Variants in GABRB1 observed in about 807,000 individuals in gnomAD.
The protein encoded by GABRB1 is gamma-aminobutyric acid type A receptor subunit beta1.
A neutral mutation model predicts 51.6 loss-of-function variants in GABRB1; 17 were observed. That is an observed-to-expected ratio of 0.33 (90% confidence interval 0.23 to 0.49). The LOEUF is 0.49. Ranked by LOEUF, GABRB1 falls within the 20% of genes least tolerant of loss-of-function variation. The pLI is 0.99. For missense variants in GABRB1, 410 were observed against 600.6 expected, an observed-to-expected ratio of 0.68 and a Z score of 3.32; for synonymous variants, 247 against 218.9, an observed-to-expected ratio of 1.13 and a Z score of -1.14.
At chr4:47,371,122 G>A (rs1727177554) in intron 5 of GABRB1, among the ~76,000 whole-genome samples, 1 of 124,576 alleles carries the variant, frequency 8.0e-6, no homozygotes, top group South Asian at 2.4e-4. Flanking sequence ...AGTGTGTATT[G>A]TTCCCCACCA....
chr4:47,037,123 T>C (rs1725611579), intron 3 of GABRB1, among the ~76,000 whole-genome samples: 3 of 152,184 alleles, frequency 2.0e-5, no homozygotes, highest in Admixed American at 2.0e-4. Flanking sequence ...TCTCAAATGA[T>C]GGCAATGAAA....
Position 47,206,183 on chromosome 4 carries a change from A to G in GABRB1, c.461+44714A>G, listed in dbSNP as rs577800820. 7.2e-5 allele frequency among the ~76,000 whole-genome samples: 11 copies of G among 152,180 alleles called. No individual in the cohort carries two copies. The East Asian group carries it at 2.1e-3, about 29-fold the overall frequency. On this transcript the variant is annotated intron_variant, in intron 4 of 8. Transcript: ENST00000295454. ...ACTCTGGTGGAAAAACATAGTTATG[A>G]AAGAATGATTAGTTTACCAGTTGGG...
chr4:47,043,953 T>G lies in GABRB1; in HGVS notation c.240+11469T>G, dbSNP rs116055080. On this transcript the variant is annotated intron_variant, in intron 3 of 8. Transcript: ENST00000295454. ...AACAGGTTTGCTTATGGACAGAGAT[T>G]AGAAAACAGAATAAGGAGAAAGAAG... Among the ~76,000 whole-genome samples, 196 of 152,250 alleles carry G rather than the reference T, an allele frequency of 1.3e-3. 1 individual carries two copies. Among genetic ancestry groups the G allele is most frequent in the Middle Eastern group, 0.01 (3 of 294 alleles).
intron 4 of GABRB1, among the ~76,000 whole-genome samples, chr4:47,267,656 A>G (rs1422162501): frequency 6.6e-6 from 1 of 152,076 alleles, no homozygotes; most frequent in Non-Finnish European, 1.5e-5. Context: ...TTAGCCAGGC[A>G]TGGTGGCAGG....
chr4:47,309,535 T>G (rs1044199662), intron 4 of GABRB1, among the ~76,000 whole-genome samples: 4 of 152,028 alleles, frequency 2.6e-5, no homozygotes. Context: ...GAGAATGCTA[T>G]TTACTCAGTG....
intron 3 of GABRB1, among the ~76,000 whole-genome samples, chr4:47,096,213 C>T (rs955386613): frequency 5.9e-5 from 9 of 152,100 alleles, no homozygotes; most frequent in African/African-American, 2.2e-4. Flanking sequence ...CCCTATATTG[C>T]TTTTAGGTCC....
intron 1 of GABRB1, among the ~76,000 whole-genome samples, chr4:47,006,781 A>G (rs1000518737): frequency 2.6e-5 from 4 of 152,232 alleles, no homozygotes; most frequent in African/African-American, 9.6e-5. Flanking sequence ...TAATTGCATT[A>G]TATATAAAAG....
intron 4 of GABRB1, among the ~76,000 whole-genome samples, chr4:47,280,676 C>T (rs563477009): frequency 1.3e-3 from 193 of 151,932 alleles, no homozygotes; most frequent in African/African-American, 4.1e-3. Context: ...GAGACGGGGC[C>T]TTGCCCTGTC....
chr4:47,207,702 C>T (rs531176206), intron 4 of GABRB1, among the ~76,000 whole-genome samples: 1 of 152,174 alleles, frequency 6.6e-6, no homozygotes, highest in Non-Finnish European at 1.5e-5. Flanking sequence ...CATATTCACC[C>T]TTGTTTAGAA....
intron 4 of GABRB1, among the ~76,000 whole-genome samples, chr4:47,249,429 A>G (rs527573437): frequency 6.6e-6 from 1 of 152,220 alleles, no homozygotes; most frequent in East Asian, 1.9e-4. Flanking sequence ...ATGACCTATC[A>G]TGTGGTCTAT....
At chr4:47,198,368 A>G (rs751583380) in intron 4 of GABRB1, among the ~76,000 whole-genome samples, 2 of 152,220 alleles carry the variant, frequency 1.3e-5, no homozygotes, top group Non-Finnish European at 2.9e-5. Flanking sequence ...TGGATAATGA[A>G]TAAAGGGTAG....
intron 4 of GABRB1, among the ~76,000 whole-genome samples, chr4:47,246,863 T>C (rs1376407712): frequency 1.3e-5 from 2 of 152,084 alleles, no homozygotes; most frequent in African/African-American, 4.8e-5. Flanking sequence ...TAGCCCACTT[T>C]TTGATGGGAT....
At chr4:47,371,309 TACC>T (rs1278416013) in intron 5 of GABRB1, among the ~76,000 whole-genome samples, 2 of 152,230 alleles carry the variant, frequency 1.3e-5, no homozygotes, top group Non-Finnish European at 2.9e-5. Flanking sequence ...GGTGTATATG[TACC>T]ACATTTTCTT....
At chr4:47,139,482 G>A (rs910744240) in intron 3 of GABRB1, among the ~76,000 whole-genome samples, 1 of 151,960 alleles carries the variant, frequency 6.6e-6, no homozygotes, top group Admixed American at 6.6e-5. Context: ...TCATATCCTG[G>A]AGAAAGTGAA....
At chr4:47,102,042 G>A (rs1364703841) in intron 3 of GABRB1, among the ~76,000 whole-genome samples, 1 of 151,934 alleles carries the variant, frequency 6.6e-6, no homozygotes, top group African/African-American at 2.4e-5. Flanking sequence ...AAGAGAACCT[G>A]GTTTTGACTT....
At chr4:47,327,052 G>T (rs968192091) in intron 5 of GABRB1, among the ~76,000 whole-genome samples, 2 of 152,258 alleles carry the variant, frequency 1.3e-5, no homozygotes, top group South Asian at 4.1e-4. Context: ...CAAGTCATTT[G>T]ACTTTTAGAA....
chr4:47,231,993 A>G (rs1326279363), intron 4 of GABRB1, among the ~76,000 whole-genome samples: 1 of 152,182 alleles, frequency 6.6e-6, no homozygotes, highest in East Asian at 1.9e-4. Flanking sequence ...AAAATTGCCC[A>G]TGAAGTAGTA....
At chr4:47,358,063 C>G (rs750051877) in intron 5 of GABRB1, among the ~76,000 whole-genome samples, 2 of 152,082 alleles carry the variant, frequency 1.3e-5, no homozygotes, top group Non-Finnish European at 2.9e-5. Context: ...GATATGGACA[C>G]TAAAGTACAG....
chr4:47,075,632 G>A (rs1269690107), intron 3 of GABRB1, among the ~76,000 whole-genome samples: 2 of 152,136 alleles, frequency 1.3e-5, no homozygotes, highest in African/African-American at 4.8e-5. Flanking sequence ...AGTAACAAGG[G>A]AGCTCATCCT....
Sources: allele counts gnomAD v4.1 joint callset (sites outside exome capture counted in the v4.1 genomes callset), GRCh38; gene constraint gnomAD v4.1.1; transcripts MANE v1.5; gene names NCBI Gene and HGNC (gene_info 2026-07-23, HGNC 2026-07-21).